COL4A4: variants seen among roughly 807,000 people sequenced by gnomAD.
The protein encoded by COL4A4 is collagen alpha-4(IV) chain.
COL4A4 carries 105 observed loss-of-function variants against 192.9 expected under a neutral mutation model. That is an observed-to-expected ratio of 0.54 (90% CI 0.46 to 0.64). The LOEUF (loss-of-function observed/expected upper bound fraction) is 0.64. COL4A4 is among the 30% of genes least tolerant of loss of function. The pLI is 0.00. For synonymous variants in COL4A4, 762 were observed against 769.9 expected, an observed-to-expected ratio of 0.99 and a Z score of 0.17; for missense variants, 1,967 against 2,169.3, an observed-to-expected ratio of 0.91 and a Z score of 1.85.
At position 227,088,522 on chromosome 2, in the gene COL4A4, G is replaced by C. The variant is rs926942245; in HGVS notation, c.1623+131C>G. The C allele has an allele frequency of 2.5e-6, 3 of 1,222,214 alleles. No homozygotes were observed. In the African/African-American group the frequency reaches 4.5e-5, roughly 18 times the overall value. The allele number at this position is 1,222,214 out of a possible 1,614,324, so 75.7% of individuals were successfully genotyped here. A position where few individuals can be genotyped will look rare whatever the true frequency, so the allele number is the denominator to read the frequency against. ...TTCCTGAGGCCTCCCCACCCATACA[G>C]AACTGCGAGTCAATTAAACCTCTTT... On this transcript the variant is annotated intron_variant, in intron 22 of 47. Transcript: ENST00000396625.
intron 42 of COL4A4, among the ~76,000 whole-genome samples, chr2:227,026,362 GT>G (rs1966857140): frequency 6.6e-6 from 1 of 152,052 alleles, no homozygotes; most frequent in Non-Finnish European, 1.5e-5. Context: ...GCTGCGTGAG[GT>G]GGCGGGCGCC....
At chr2:227,160,872 G>A (rs1164564036) in intron 1 of COL4A4, among the ~76,000 whole-genome samples, 1 of 152,166 alleles carries the variant, frequency 6.6e-6, no homozygotes, top group African/African-American at 2.4e-5. Context: ...ATATGAGTTG[G>A]TAATCACTCA....
chr2:227,127,012 A>G (rs1421485885), intron 4 of COL4A4, among the ~76,000 whole-genome samples: 3 of 152,172 alleles, frequency 2.0e-5, no homozygotes, highest in Non-Finnish European at 2.9e-5. Flanking sequence ...TTGCATCACT[A>G]AAAAAAGTCT....
intron 4 of COL4A4, among the ~76,000 whole-genome samples, chr2:227,137,640 A>G (rs1302875809): frequency 6.6e-5 from 10 of 152,172 alleles, no homozygotes; most frequent in Admixed American, 4.6e-4. Context: ...TCTGGTCTCT[A>G]CTTGCTGGAA....
intron 37 of COL4A4, among the ~76,000 whole-genome samples, chr2:227,039,079 C>G (rs1251827297): frequency 6.6e-6 from 1 of 152,168 alleles, no homozygotes; most frequent in Non-Finnish European, 1.5e-5. Flanking sequence ...TTTTAACACA[C>G]TATTTCATAG....
At chr2:226,969,733 T>C in the COL4A4 span, among the ~76,000 whole-genome samples, 1 of 152,246 alleles carries the variant, frequency 6.6e-6, no homozygotes, top group Non-Finnish European at 1.5e-5. Flanking sequence ...GAGTCACTTA[T>C]GCCTAAGTCA....
At chr2:227,162,195 T>G (rs1411006559) in intron 1 of COL4A4, among the ~76,000 whole-genome samples, 1 of 152,222 alleles carries the variant, frequency 6.6e-6, no homozygotes, top group Non-Finnish European at 1.5e-5. Flanking sequence ...ATCACAAGTT[T>G]CTTTCCAGCT....
At chr2:227,148,492 G>A (rs1180325707) in intron 1 of COL4A4, among the ~76,000 whole-genome samples, 2 of 152,164 alleles carry the variant, frequency 1.3e-5, no homozygotes, top group Admixed American at 1.3e-4. Context: ...GTTTGGGAGA[G>A]GAAAGAATTG....
chr2:227,065,849 C>T (rs2058301393), intron 25 of COL4A4, among the ~76,000 whole-genome samples: 1 of 152,366 alleles, frequency 6.6e-6, no homozygotes, highest in Middle Eastern at 3.4e-3. Flanking sequence ...AAGTTCCTCG[C>T]CAGCAATGGA....
intron 33 of COL4A4, among the ~76,000 whole-genome samples, 155 bp from the exon 34 acceptor site, chr2:227,050,286 G>A (rs1973803592): frequency 6.6e-6 from 1 of 152,178 alleles, no homozygotes; most frequent in Non-Finnish European, 1.5e-5. Context: ...CCCACTACAT[G>A]TATCTAGTTT....
At chr2:227,114,758 T>C in intron 7 of COL4A4, 62 bp from the exon 8 acceptor site, 1 of 1,322,534 alleles carries the variant, frequency 7.6e-7, no homozygotes, top group Non-Finnish European at 1.1e-6. Flanking sequence ...CAGTATTTTC[T>C]TTTCTATATA....
intron 41 of COL4A4, 102 bp downstream of exon 41, chr2:227,030,340 CT>C: frequency 1.5e-6 from 2 of 1,314,770 alleles, no homozygotes; most frequent in Non-Finnish European, 1.1e-6. Flanking sequence ...AAGGTAGTCA[CT>C]TTGTTTGCAT....
At chr2:227,046,631 T>TA (rs1471716381) in intron 35 of COL4A4, among the ~76,000 whole-genome samples, 1 of 152,084 alleles carries the variant, frequency 6.6e-6, no homozygotes, top group Admixed American at 6.5e-5. Context: ...GAGTACCAAT[T>TA]AATATCTGCA....
At chr2:227,101,676 T>C (rs1197531806) in intron 16 of COL4A4, 119 bp from the exon 17 acceptor site, 8 of 1,125,122 alleles carry the variant, frequency 7.1e-6, no homozygotes, top group Admixed American at 2.0e-5. Context: ...CTTAACACTG[T>C]TCATCAGTTG....
At chr2:227,011,890 G>A (rs781237722) in intron 45 of COL4A4, among the ~76,000 whole-genome samples, 13 of 152,180 alleles carry the variant, frequency 8.5e-5, no homozygotes, top group Non-Finnish European at 1.8e-4. Flanking sequence ...CTTGAAAAGT[G>A]AACTGCAGAA....
intron 1 of COL4A4, among the ~76,000 whole-genome samples, chr2:227,149,595 C>T (rs1012533751): frequency 4.6e-5 from 7 of 151,962 alleles, no homozygotes; most frequent in South Asian, 2.1e-4. Flanking sequence ...GGAAGGAAAA[C>T]GCAAATTTTT....
intron 37 of COL4A4, among the ~76,000 whole-genome samples, chr2:227,034,280 T>C (rs898180034): frequency 6.6e-6 from 1 of 152,178 alleles, no homozygotes; most frequent in African/African-American, 2.4e-5. Context: ...GTATGTTGAG[T>C]TGTGTTGAAG....
At chr2:227,152,638 G>A (rs774024176) in intron 1 of COL4A4, among the ~76,000 whole-genome samples, 4 of 152,166 alleles carry the variant, frequency 2.6e-5, no homozygotes, top group Non-Finnish European at 5.9e-5. Context: ...CAGTGTGCCT[G>A]GCGCTTTGCA....
intron 1 of COL4A4, among the ~76,000 whole-genome samples, chr2:227,149,869 GGACA>G (rs143116250): frequency 0.051 from 7,732 of 152,148 alleles, 262 homozygotes; most frequent in Middle Eastern, 0.078. Context: ...ATGGATGAAT[GGACA>G]GACAGACAGA....
Sources: allele counts gnomAD v4.1 joint callset (sites outside exome capture counted in the v4.1 genomes callset), GRCh38; gene constraint gnomAD v4.1.1; transcripts MANE v1.5; gene names NCBI Gene and HGNC (gene_info 2026-07-23, HGNC 2026-07-21).